PHACTR3: variants seen among roughly 807,000 people sequenced by gnomAD.
PHACTR3 encodes the protein phosphatase and actin regulator 3.
PHACTR3 carries 16 observed loss-of-function variants against 66.8 expected under a neutral mutation model. The observed-to-expected ratio is 0.24, with a 90% confidence interval of 0.16 to 0.36. The LOEUF (loss-of-function observed/expected upper bound fraction) is 0.36. PHACTR3 is among the 10% of genes least tolerant of loss of function. The probability of loss-of-function intolerance (pLI) is 1.00; values close to 1 mark genes in which losing one functional copy is unlikely to be tolerated. For synonymous variants in PHACTR3, 323 were observed against 292.1 expected (o/e 1.11, Z -1.08); for missense variants, 647 against 719.9 (o/e 0.90, Z 1.16).
chr20:59,646,289 T>C lies in PHACTR3; in HGVS notation c.118+41157T>C, dbSNP rs1364797414. 2.0e-5 allele frequency among the ~76,000 whole-genome samples: 3 copies of C among 152,210 alleles called. No homozygotes were observed. The South Asian group carries it at 6.2e-4, about 31-fold the overall frequency. ...ATACCTGGGGGCAAGGTTTAGCTAT[T>C]CAGCAAGGGCTGTTTTAAAAAATTG... is the stretch of plus-strand genomic sequence containing the variant. On this transcript the variant is annotated intron_variant, in intron 1 of 12. Transcript: ENST00000371015.
intron 1 of PHACTR3, among the ~76,000 whole-genome samples, chr20:59,605,869 G>A (rs2033651490): frequency 1.1e-5 from 1 of 92,156 alleles, no homozygotes; most frequent in Non-Finnish European, 2.3e-5. Context: ...GGGGGGGGGG[G>A]TGGGCTGTGT....
intron 1 of PHACTR3, among the ~76,000 whole-genome samples, chr20:59,698,056 C>T (rs1303626818): frequency 2.0e-5 from 3 of 152,172 alleles, no homozygotes; most frequent in Non-Finnish European, 4.4e-5. Flanking sequence ...ACAATATCAA[C>T]ATTGTGTGTA....
chr20:59,630,381 C>G (rs985209758), intron 1 of PHACTR3, among the ~76,000 whole-genome samples: 5 of 152,124 alleles, frequency 3.3e-5, no homozygotes, highest in Non-Finnish European at 7.3e-5. Context: ...CAGGGTTTCA[C>G]CCTGTTGGCT....
At chr20:59,640,283 C>T (rs1449802804) in intron 1 of PHACTR3, among the ~76,000 whole-genome samples, 1 of 152,332 alleles carries the variant, frequency 6.6e-6, no homozygotes, top group East Asian at 1.9e-4. Flanking sequence ...TAATTACTAT[C>T]CTACTGTCAA....
chr20:59,753,298 C>T (rs1004997174), intron 3 of PHACTR3, among the ~76,000 whole-genome samples: 4 of 152,198 alleles, frequency 2.6e-5, no homozygotes, highest in Admixed American at 2.6e-4. Context: ...TGGATGAGAT[C>T]GTCCAGCCCT....
chr20:59,587,839 C>A (rs545247377), intron 1 of PHACTR3, among the ~76,000 whole-genome samples: 1 of 152,322 alleles, frequency 6.6e-6, no homozygotes, highest in East Asian at 1.9e-4. Flanking sequence ...CTCACGTCTA[C>A]CTTCAAGGCC....
chr20:59,829,617 A>G lies in PHACTR3; in HGVS notation c.1329-6888A>G, dbSNP rs531808614. The stretch of plus-strand genomic sequence containing the variant: ...GTGTGGAGACGCTGCCTCGCTGGGG[A>G]ATCCCATCTCCAGGCGGGGGCCGCC... On this transcript the variant is annotated intron_variant, in intron 8 of 12. Transcript: ENST00000371015. The surrounding 1 kb of genome is among the most constrained non-coding windows in gnomAD (Gnocchi z 4.2). Among the ~76,000 whole-genome samples, 3 of 152,110 alleles carry G rather than the reference A, an allele frequency of 2.0e-5. No individual in the cohort carries two copies. Among genetic ancestry groups the G allele is most frequent in the African/African-American group, 7.2e-5 (3 of 41,492 alleles).
chr20:59,651,035 T>TTGTG (rs10691968), intron 1 of PHACTR3, among the ~76,000 whole-genome samples: 3 of 151,718 alleles, frequency 2.0e-5, no homozygotes, highest in Non-Finnish European at 2.9e-5. Flanking sequence ...TGCATGAATG[T>TTGTG]TGTGTGTGTG....
In PHACTR3 at chr20:59,757,649, T is replaced by C. The variant is rs572113893; in HGVS notation, c.541+2285T>C. ...GGTGGGGCTCTTGTCGGTGGAACTT[T>C]AGTGATTAAAAACAATCCAGGGCCC... On this transcript the variant is annotated intron_variant, in intron 4 of 12. Transcript: ENST00000371015. Among the ~76,000 whole-genome samples, 33 of 152,220 alleles carry C rather than the reference T, an allele frequency of 2.2e-4. 1 individual carries two copies. In the South Asian group the frequency reaches 6.6e-3, roughly 31 times the overall value.
intron 8 of PHACTR3, among the ~76,000 whole-genome samples, chr20:59,817,807 T>C (rs2041927826): frequency 6.6e-6 from 1 of 152,244 alleles, no homozygotes. Context: ...CTCTTCCTAT[T>C]TTTAAAAGCA....
At position 59,610,060 on chromosome 20, in the gene PHACTR3, C is replaced by G. The variant is rs965052956; in HGVS notation, c.118+4928C>G. Among the ~76,000 whole-genome samples, 5 of 152,268 alleles carry G rather than the reference C, an allele frequency of 3.3e-5. No individual in the cohort carries two copies. In the South Asian group the frequency reaches 1.0e-3, roughly 32 times the overall value. On this transcript the variant is annotated intron_variant, in intron 1 of 12. Transcript: ENST00000371015. The stretch of plus-strand genomic sequence containing the variant: ...CTTGAGCCCAGGAGTTTGAGACCAG[C>G]CTAGGCAACACAGTGAAACCCTGTC...
At chr20:59,753,281 G>A (rs1451497964) in intron 3 of PHACTR3, among the ~76,000 whole-genome samples, 4 of 152,186 alleles carry the variant, frequency 2.6e-5, no homozygotes, top group African/African-American at 4.8e-5. Flanking sequence ...CAACTGACGC[G>A]GCTGCATGGA....
At chr20:59,807,748 C>A (rs572912735) in intron 8 of PHACTR3, among the ~76,000 whole-genome samples, 1 of 152,348 alleles carries the variant, frequency 6.6e-6, no homozygotes, top group South Asian at 2.1e-4. Flanking sequence ...AGGAATTTTA[C>A]AGCTCCATTT....
At chr20:59,824,795 G>A (rs367822400) in intron 8 of PHACTR3, among the ~76,000 whole-genome samples, 1 of 152,244 alleles carries the variant, frequency 6.6e-6, no homozygotes, top group African/African-American at 2.4e-5. Context: ...GCGGGGGGAG[G>A]GGCTCTGTCT....
At chr20:59,718,312 T>C (rs533758010) in intron 1 of PHACTR3, among the ~76,000 whole-genome samples, 26 of 152,300 alleles carry the variant, frequency 1.7e-4, no homozygotes, top group Admixed American at 9.8e-4. Context: ...CCCTGGATCA[T>C]GAGGCATCCT....
At chr20:59,663,694 C>T (rs567024971) in intron 1 of PHACTR3, among the ~76,000 whole-genome samples, 67 of 152,240 alleles carry the variant, frequency 4.4e-4, no homozygotes, top group African/African-American at 1.5e-3. Context: ...GCTCTGGGGC[C>T]GGCTGACCTG....
intron 8 of PHACTR3, among the ~76,000 whole-genome samples, chr20:59,835,481 G>T (rs1000419790): frequency 1.3e-5 from 2 of 152,152 alleles, no homozygotes; most frequent in African/African-American, 4.8e-5. Flanking sequence ...TTTTTAAATG[G>T]AGGCAACATC....
chr20:59,731,441 C>T (rs6015563), intron 1 of PHACTR3, among the ~76,000 whole-genome samples: 5,188 of 152,268 alleles, frequency 0.034, 123 homozygotes, highest in Middle Eastern at 0.11. Flanking sequence ...GCCAATTTTC[C>T]AGATTCCACC....
chr20:59,688,510 G>A (rs747765494), intron 1 of PHACTR3, among the ~76,000 whole-genome samples: 3 of 152,168 alleles, frequency 2.0e-5, no homozygotes, highest in Non-Finnish European at 2.9e-5. Context: ...AATGTTGTCA[G>A]TGATCATGTT....
Sources: allele counts gnomAD v4.1 joint callset (sites outside exome capture counted in the v4.1 genomes callset), GRCh38; gene constraint gnomAD v4.1.1; non-coding constraint Gnocchi (gnomAD v3.1); transcripts MANE v1.5; gene names NCBI Gene and HGNC (gene_info 2026-07-23, HGNC 2026-07-21).